Variants in SGPL1 observed in about 807,000 individuals in gnomAD.
SGPL1 encodes the protein SP-lyase 1.
SGPL1 carries 37 observed loss-of-function variants against 68.9 expected under a neutral mutation model. The observed-to-expected ratio is 0.54, with a 90% CI of 0.41 to 0.71. The LOEUF is 0.71. Ranked by LOEUF, SGPL1 falls within the 30% of genes least tolerant of loss-of-function variation. The pLI is 0.00. For synonymous variants in SGPL1, 236 were observed against 248.5 expected, an observed-to-expected ratio of 0.95 and a Z score of 0.47; for missense variants, 551 against 704.6, an observed-to-expected ratio of 0.78 and a Z score of 2.47.
At chr10:70,852,727 T>TGTGTGC (rs1211371283) in intron 4 of SGPL1, among the ~76,000 whole-genome samples, 7 of 109,558 alleles carry the variant, frequency 6.4e-5, no homozygotes, top group Admixed American at 1.9e-4. Flanking sequence ...TGTGTGTGTG[T>TGTGTGC]GCGCGCGCAC....
chr10:70,821,532 G>GGGC (rs1845337851), intron 2 of SGPL1, among the ~76,000 whole-genome samples: 1 of 152,048 alleles, frequency 6.6e-6, no homozygotes, highest in Admixed American at 6.5e-5. Context: ...TCTTGACCAG[G>GGGC]GGCAATTTTG....
chr10:70,870,518 A>G (rs1057468605), intron 9 of SGPL1, among the ~76,000 whole-genome samples: 3 of 152,118 alleles, frequency 2.0e-5, no homozygotes, highest in African/African-American at 7.2e-5. Flanking sequence ...AAAAAAAAAA[A>G]AAAGACTCTC....
intron 7 of SGPL1, among the ~76,000 whole-genome samples, chr10:70,861,894 G>A (rs1193782016): frequency 2.0e-5 from 3 of 152,218 alleles, no homozygotes; most frequent in Non-Finnish European, 4.4e-5. Flanking sequence ...CAGGGCTCGG[G>A]ACCTGCAGCC....
chr10:70,869,557 A>G, intron 8 of SGPL1: 1 of 405,238 alleles, frequency 2.5e-6, no homozygotes, highest in South Asian at 2.8e-5. Flanking sequence ...ATCACTTCTG[A>G]GTCCTCTTCC....
chr10:70,847,305 C>T (rs1035187636), intron 3 of SGPL1, among the ~76,000 whole-genome samples: 7 of 152,050 alleles, frequency 4.6e-5, no homozygotes, highest in Admixed American at 6.6e-5. Context: ...CCCACTATCA[C>T]GCCTGCCTAA....
At chr10:70,842,143 C>T (rs1461449564) in intron 2 of SGPL1, among the ~76,000 whole-genome samples, 2 of 152,052 alleles carry the variant, frequency 1.3e-5, no homozygotes, top group Admixed American at 6.6e-5. Context: ...ATAAAATGCA[C>T]GTATTATAGT....
intron 4 of SGPL1, among the ~76,000 whole-genome samples, chr10:70,852,723 T>C (rs1564625359): frequency 6.6e-6 from 1 of 151,246 alleles, no homozygotes. Context: ...TGTGTGTGTG[T>C]GTGTGCGCGC....
At chr10:70,869,698 C>A in intron 8 of SGPL1, 94 bp from the exon 9 acceptor site, 2 of 919,992 alleles carry the variant, frequency 2.2e-6, no homozygotes, top group Non-Finnish European at 3.3e-6. Flanking sequence ...GAAAAATAAT[C>A]AGAACTTACT....
At chr10:70,860,045 C>G (rs965633007) in intron 7 of SGPL1, among the ~76,000 whole-genome samples, 1 of 152,174 alleles carries the variant, frequency 6.6e-6, no homozygotes, top group Non-Finnish European at 1.5e-5. Flanking sequence ...TTGCTGTAAA[C>G]TGAACCTCAT....
intron 2 of SGPL1, among the ~76,000 whole-genome samples, chr10:70,828,130 G>A (rs1324891258): frequency 6.6e-6 from 1 of 152,150 alleles, no homozygotes. Flanking sequence ...TAGAGTTGCT[G>A]TGTGGTAACG....
chr10:70,827,286 C>T (rs1450406007), intron 2 of SGPL1, among the ~76,000 whole-genome samples: 1 of 152,184 alleles, frequency 6.6e-6, no homozygotes, highest in Admixed American at 6.5e-5. Flanking sequence ...GTACCCTTTT[C>T]AATGTTTACC....
intron 7 of SGPL1, among the ~76,000 whole-genome samples, chr10:70,861,311 GTGTT>G (rs1306340070): frequency 6.6e-6 from 1 of 152,144 alleles, no homozygotes; most frequent in Non-Finnish European, 1.5e-5. Flanking sequence ...CATCTAACTG[GTGTT>G]TGAGAGCAGC....
In SGPL1 at chr10:70,868,413, G is replaced by C. The variant is rs191033522; in HGVS notation, c.684G>C (p.Lys228Asn). The C allele has an allele frequency of 4.5e-4, 721 of 1,613,790 alleles. 1 individual carries two copies. The highest frequency in any genetic ancestry group is 5.8e-4 in the Non-Finnish European group (682 of 1,179,796). Residue 228 changes from lysine (K) to asparagine (N), a missense_variant, in exon 8 of 15, where the codon AAG (lysine) becomes AAC (asparagine). Lys to Asn is a moderately conservative substitution (Grantham distance 94). Coordinates refer to ENST00000373202, the MANE Select transcript of SGPL1 (RefSeq NM_003901.4). Reference protein sequence around the residue: ...CKAYRDLAFEKGIKTPEIVAP... With the variant: ...CKAYRDLAFENGIKTPEIVAP... ...CATATCGGGATCTGGCCTTTGAGAA[G>C]GGGATCAAAACTCCAGAAATGTATG... is the stretch of plus-strand genomic sequence containing the variant.
At chr10:70,816,462 C>A (rs1364389601) in intron 1 of SGPL1, among the ~76,000 whole-genome samples, 1 of 152,138 alleles carries the variant, frequency 6.6e-6, no homozygotes, top group Non-Finnish European at 1.5e-5. Flanking sequence ...GCGGAGGAGG[C>A]AGGACCCTGG....
intron 9 of SGPL1, chr10:70,870,142 C>T (rs752224986): frequency 5.7e-5 from 21 of 368,674 alleles, no homozygotes; most frequent in East Asian, 4.7e-4. Context: ...TTGCGGTCAG[C>T]GCCATCACTT....
intron 2 of SGPL1, 67 bp from the exon 3 acceptor site, chr10:70,844,406 C>T: frequency 6.9e-7 from 1 of 1,441,176 alleles, no homozygotes; most frequent in Non-Finnish European, 9.5e-7. Context: ...AGTTGAAGTA[C>T]AAACTAAGAA....
intron 7 of SGPL1, among the ~76,000 whole-genome samples, chr10:70,863,824 T>C (rs190257152): frequency 2.1e-4 from 32 of 152,352 alleles, no homozygotes; most frequent in Non-Finnish European, 4.0e-4. Context: ...ATTTATTTCT[T>C]GTACACTGTA....
chr10:70,847,974 C>G (rs1415543700), intron 3 of SGPL1, among the ~76,000 whole-genome samples: 1 of 152,214 alleles, frequency 6.6e-6, no homozygotes, highest in Non-Finnish European at 1.5e-5. Context: ...TGGGCAGCGG[C>G]ATGAACTGTG....
intron 5 of SGPL1, among the ~76,000 whole-genome samples, chr10:70,855,724 A>G (rs1845953183): frequency 6.6e-6 from 1 of 152,226 alleles, no homozygotes; most frequent in Non-Finnish European, 1.5e-5. Flanking sequence ...TTTAAAAAGA[A>G]GCTTTTTAGT....
Sources: allele counts gnomAD v4.1 joint callset (sites outside exome capture counted in the v4.1 genomes callset), GRCh38; gene constraint gnomAD v4.1.1; transcripts MANE v1.5; gene names NCBI Gene and HGNC (gene_info 2026-07-23, HGNC 2026-07-21).